The following KCTD21 variants were observed in gnomAD, a reference collection of about 807,000 sequenced individuals.
KCTD21 encodes potassium channel tetramerization domain containing 21.
In KCTD21, 9 loss-of-function variants were observed where a neutral mutation model predicts 13.2. That is an observed-to-expected ratio of 0.68 (90% CI 0.41 to 1.19). KCTD21 has a LOEUF of 1.19. Among genes scored for constraint, KCTD21 ranks in the 50% most tolerant of loss-of-function variants. The pLI is 0.01. For synonymous variants in KCTD21, 142 were observed against 137.4 expected, an observed-to-expected ratio of 1.03 and a Z score of -0.23; for missense variants, 303 against 336.5, an observed-to-expected ratio of 0.90 and a Z score of 0.78.
chr11:78,183,761 G>A (rs1414765258), intron 1 of KCTD21, among the ~76,000 whole-genome samples: 2 of 149,230 alleles, frequency 1.3e-5, no homozygotes, highest in South Asian at 2.1e-4. Flanking sequence ...TCAGCCTCCC[G>A]AGTAGCTGAG....
chr11:78,182,694 T>G (rs555859327), intron 1 of KCTD21, among the ~76,000 whole-genome samples: 1 of 152,254 alleles, frequency 6.6e-6, no homozygotes, highest in South Asian at 2.1e-4. Context: ...CAGGGCTTCA[T>G]GTGGATTCTT....
Position 78,173,624 on chromosome 11 carries a change from A to T in KCTD21, c.*148T>A, listed in dbSNP as rs1364801610. 4.2e-6 allele frequency: 3 copies of T among 719,644 alleles called. No homozygotes were observed. The African/African-American group carries it at 5.3e-5, about 13-fold the overall frequency. The allele number at this position is 719,644 out of a possible 1,614,324, so 44.6% of individuals were successfully genotyped here. The stretch of plus-strand genomic sequence containing the variant: ...GAGGACACTGGATTCCAAAAGGTGG[A>T]CTTCATCATGGGGGGAATCAAGTCC... On this transcript the variant is annotated 3_prime_UTR_variant, in exon 2 of 2. Transcript: ENST00000340067.
chr11:78,179,205 C>CT (rs35532425), intron 1 of KCTD21, among the ~76,000 whole-genome samples: 22,996 of 144,674 alleles, frequency 0.16, 1,901 homozygotes, highest in African/African-American at 0.19. Context: ...TTTATTTTTA[C>CT]TTTTTTTTTT....
chr11:78,181,020 T>C (rs1862601988), intron 1 of KCTD21, among the ~76,000 whole-genome samples: 1 of 152,212 alleles, frequency 6.6e-6, no homozygotes, highest in Non-Finnish European at 1.5e-5. Context: ...TTATTTTAAG[T>C]TTCCTGAGGC....
chr11:78,173,524 A>G lies in KCTD21; in HGVS notation c.*248T>C. 2 of 480,104 alleles carry G rather than the reference A, an allele frequency of 4.2e-6. No individual in the cohort carries two copies. The highest frequency in any genetic ancestry group is 3.8e-5 in the East Asian group (1 of 26,546). 29.7% of individuals were successfully genotyped at this position (480,104 alleles called of 1,614,324 possible). On this transcript the variant is annotated 3_prime_UTR_variant, in exon 2 of 2. Coordinates refer to ENST00000340067, the MANE Select transcript of KCTD21 (RefSeq NM_001029859.3). ...CCTATGGCCTCCTTTAGTACACATC[A>G]GCTGACTCTTCACTTGTCATAATAA...
intron 1 of KCTD21, among the ~76,000 whole-genome samples, chr11:78,185,597 A>ATTT (rs58401363): frequency 2.7e-5 from 4 of 145,820 alleles, no homozygotes; most frequent in African/African-American, 1.0e-4. Flanking sequence ...CACTAGGCCT[A>ATTT]TTTTTTTTTT....
chr11:78,172,944 A>C lies in KCTD21; in HGVS notation c.*828T>G, dbSNP rs977728299. On this transcript the variant is annotated 3_prime_UTR_variant, in exon 2 of 2. Transcript: ENST00000340067. ...ATTATTTCCAACCCTGAGAATCCGT[A>C]ATAGATTTGTTTAAAATGACCTGTT... The C allele has an allele frequency of 6.6e-6, 1 of 152,624 alleles. No homozygotes were observed. The highest frequency in any genetic ancestry group is 1.5e-5 in the Non-Finnish European group (1 of 68,042). The allele number at this position is 152,624 out of a possible 1,614,324, so 9.5% of individuals were successfully genotyped here.
chr11:78,187,886 G>T, intron 1 of KCTD21: 1 of 985,420 alleles, frequency 1.0e-6, no homozygotes, highest in Non-Finnish European at 1.2e-6. Context: ...GGAGTCCTGA[G>T]TGGTTTTAGG....
At chr11:78,184,862 C>G (rs1862726280) in intron 1 of KCTD21, among the ~76,000 whole-genome samples, 1 of 151,924 alleles carries the variant, frequency 6.6e-6, no homozygotes, top group Non-Finnish European at 1.5e-5. Flanking sequence ...GTGATTTTCC[C>G]AAGTAGCTGG....
intron 1 of KCTD21, among the ~76,000 whole-genome samples, chr11:78,184,431 A>C (rs1381749737): frequency 6.6e-6 from 1 of 151,826 alleles, no homozygotes; most frequent in Non-Finnish European, 1.5e-5. Context: ...CCACCTCCTG[A>C]GTTCAAGCAA....
At chr11:78,175,964 A>G (rs1031767134) in intron 1 of KCTD21, among the ~76,000 whole-genome samples, 4 of 151,780 alleles carry the variant, frequency 2.6e-5, no homozygotes, top group Admixed American at 6.6e-5. Flanking sequence ...ATTCCCACCT[A>G]TGAGTGAGAA....
chr11:78,179,295 A>T (rs541580204), intron 1 of KCTD21, among the ~76,000 whole-genome samples: 5 of 151,718 alleles, frequency 3.3e-5, no homozygotes, highest in African/African-American at 1.2e-4. Context: ...CAGGCCTCCC[A>T]AAGTGTGGGG....
intron 1 of KCTD21, among the ~76,000 whole-genome samples, chr11:78,182,835 G>A (rs551321351): frequency 2.6e-5 from 4 of 152,284 alleles, no homozygotes; most frequent in Admixed American, 1.3e-4. Flanking sequence ...TACTCATGGC[G>A]ACCTGGAGTA....
intron 1 of KCTD21, chr11:78,187,509 T>G: frequency 1.0e-6 from 1 of 985,374 alleles, no homozygotes; most frequent in Non-Finnish European, 1.2e-6. Flanking sequence ...TCATCTGGCG[T>G]AGACCTCCAA....
At position 78,174,855 on chromosome 11, in the gene KCTD21, G is replaced by A. The variant is rs114893936; in HGVS notation, c.-29-272C>T. The A allele has an allele frequency of 3.5e-5, 11 of 311,848 alleles. 1 individual carries two copies. The Admixed American group carries it at 4.1e-4, about 12-fold the overall frequency. 19.3% of individuals were successfully genotyped at this position (311,848 alleles called of 1,614,324 possible). A position where few individuals can be genotyped will look rare whatever the true frequency, so the allele number is the denominator to read the frequency against. Reference sequence around the variant, plus strand: ...GTCCCCCGCGCCCCCCTCTGCTGCCGACATTCTATTTTAATTGGTCTGGAA... The same window carrying A: ...GTCCCCCGCGCCCCCCTCTGCTGCCAACATTCTATTTTAATTGGTCTGGAA... On this transcript the variant is annotated intron_variant, in intron 1 of 1. Transcript: ENST00000340067.
At chr11:78,181,923 TTTTG>T (rs1862633746) in intron 1 of KCTD21, among the ~76,000 whole-genome samples, 1 of 152,210 alleles carries the variant, frequency 6.6e-6, no homozygotes, top group South Asian at 2.1e-4. Context: ...GTTGTGAAAC[TTTTG>T]TTTCAGTTGT....
chr11:78,180,983 A>C (rs1318448756), intron 1 of KCTD21, among the ~76,000 whole-genome samples: 1 of 152,160 alleles, frequency 6.6e-6, no homozygotes, highest in Non-Finnish European at 1.5e-5. Flanking sequence ...CATGTGAAGA[A>C]AGACATGTTT....
chr11:78,178,302 G>C (rs1862516095), intron 1 of KCTD21, among the ~76,000 whole-genome samples: 1 of 151,982 alleles, frequency 6.6e-6, no homozygotes, highest in East Asian at 1.9e-4. Context: ...ATTTATTTTT[G>C]TATTTTTAGT....
chr11:78,184,422 C>T (rs1011652136), intron 1 of KCTD21, among the ~76,000 whole-genome samples: 2 of 150,172 alleles, frequency 1.3e-5, no homozygotes, highest in Non-Finnish European at 3.0e-5. Flanking sequence ...CTGCAACCTC[C>T]ACCTCCTGAG....
Sources: gnomAD v4.1 joint callset for allele counts (sites outside exome capture counted in the v4.1 genomes callset) on GRCh38, gnomAD v4.1.1 for gene constraint, MANE v1.5 for transcripts, NCBI Gene and HGNC (gene_info 2026-07-23, HGNC 2026-07-21) for gene names.